Variants in COL5A1 observed in about 807,000 individuals in gnomAD.
The protein encoded by COL5A1 is collagen type V alpha 1 chain.
COL5A1 carries 16 observed loss-of-function variants against 263.7 expected under a neutral mutation model. The observed-to-expected ratio is 0.06, with a 90% CI of 0.04 to 0.09. The LOEUF is 0.09. Among genes scored for constraint, COL5A1 ranks in the 10% least tolerant of loss-of-function variants. The pLI is 1.00. For synonymous variants in COL5A1, 1,012 were observed against 1,004.5 expected, an observed-to-expected ratio of 1.01 and a Z score of -0.14; for missense variants, 2,036 against 2,540.5, an observed-to-expected ratio of 0.80 and a Z score of 4.27.
chr9:134,673,586 G>T (rs1024927121), intron 1 of COL5A1, among the ~76,000 whole-genome samples: 2 of 151,962 alleles, frequency 1.3e-5, no homozygotes, highest in African/African-American at 2.4e-5. Context: ...TGTATTTAAA[G>T]GTAAGATTTA....
At position 134,659,470 on chromosome 9, in the gene COL5A1, T is replaced by C. The variant is rs760352477; in HGVS notation, c.109+17174T>C. Among the ~76,000 whole-genome samples, 143 of 152,188 alleles carry C rather than the reference T, an allele frequency of 9.4e-4. 1 individual carries two copies. Among genetic ancestry groups the C allele is most frequent in the Non-Finnish European group, 7.9e-4 (54 of 68,032 alleles). ...TCCAGCTGCTTGGGAACATGCCTGATATGAGTCCAGGCCTTCCGAGAGTGC... is the reference window on the plus strand; with the variant it reads ...TCCAGCTGCTTGGGAACATGCCTGACATGAGTCCAGGCCTTCCGAGAGTGC... On this transcript the variant is annotated intron_variant, in intron 1 of 65. Transcript: ENST00000371817.
At chr9:134,763,181 C>A (rs962896898) in intron 19 of COL5A1, among the ~76,000 whole-genome samples, 4 of 152,158 alleles carry the variant, frequency 2.6e-5, no homozygotes, top group Non-Finnish European at 5.9e-5. Context: ...TGCAGTGGTG[C>A]TTTGGCGAGG....
At chr9:134,812,754 TGAGGA>T in intron 48 of COL5A1, 42 bp downstream of exon 48, 1 of 1,340,926 alleles carries the variant, frequency 7.5e-7, no homozygotes, top group Non-Finnish European at 1.0e-6. Flanking sequence ...TGCGGTTGTT[TGAGGA>T]GTGTGTGTGT....
At chr9:134,658,818 C>A (rs1832112006) in intron 1 of COL5A1, among the ~76,000 whole-genome samples, 1 of 152,168 alleles carries the variant, frequency 6.6e-6, no homozygotes. Context: ...GCTCTGGGGT[C>A]CTGGCCCTCT....
chr9:134,776,151 C>T (rs1837044037), intron 27 of COL5A1, among the ~76,000 whole-genome samples: 1 of 152,166 alleles, frequency 6.6e-6, no homozygotes, highest in Non-Finnish European at 1.5e-5. Flanking sequence ...GAGAGACCTC[C>T]CAACGGTTGG....
intron 32 of COL5A1, among the ~76,000 whole-genome samples, chr9:134,792,800 T>C (rs1431528501): frequency 1.5e-5 from 2 of 135,178 alleles, no homozygotes; most frequent in Non-Finnish European, 1.6e-5. Context: ...TGTGTGCATG[T>C]GTGCGTGCAT....
At chr9:134,760,058 C>T (rs1416751906) in intron 18 of COL5A1, among the ~76,000 whole-genome samples, 2 of 132,644 alleles carry the variant, frequency 1.5e-5, no homozygotes, top group Non-Finnish European at 3.2e-5. Context: ...ACCCACACAC[C>T]CCCACACTCA....
At chr9:134,815,661 C>T (rs1213408983) in intron 51 of COL5A1, 32 bp downstream of exon 51, 2 of 1,609,020 alleles carry the variant, frequency 1.2e-6, no homozygotes, top group Admixed American at 1.7e-5. Flanking sequence ...GCCACCGGAT[C>T]CCCCACAGTG....
At position 134,782,545 on chromosome 9, in the gene COL5A1, A is replaced by G. The variant is rs34489567; in HGVS notation, c.2431-122A>G. On this transcript the variant is annotated intron_variant, in intron 28 of 65. Coordinates refer to ENST00000371817, the MANE Select transcript of COL5A1 (RefSeq NM_000093.5). ...GCCCCAAGCCCACCCCGTCCGGGCC[A>G]TGTGCTGCCCCCCAAGCGTGGGGGA... The G allele has an allele frequency of 0.13, 122,416 of 922,152 alleles. 9,184 individuals carry two copies. The highest frequency in any genetic ancestry group is 0.26 in the African/African-American group (16,059 of 61,834). The allele number at this position is 922,152 out of a possible 1,614,324, so 57.1% of individuals were successfully genotyped here.
chr9:134,751,877 T>C (rs1237668503), intron 13 of COL5A1, among the ~76,000 whole-genome samples: 1 of 152,098 alleles, frequency 6.6e-6, no homozygotes, highest in Non-Finnish European at 1.5e-5. Context: ...CCCCACTACC[T>C]GCCACTGGGT....
At position 134,752,663 on chromosome 9, in the gene COL5A1, C is replaced by A. The variant is rs1221740561; in HGVS notation, c.1719+18C>A. On this transcript the variant is annotated intron_variant, in intron 14 of 65. Transcript: ENST00000371817. The stretch of plus-strand genomic sequence containing the variant: ...GCCCTGTGGTAAGTCATTGGCAAAT[C>A]TGAGAGCTGGGCGTGGTGTGGGGAT... 1.2e-6 allele frequency: 2 copies of A among 1,603,578 alleles called. No individual in the cohort carries two copies. The highest frequency in any genetic ancestry group is 1.7e-6 in the Non-Finnish European group (2 of 1,170,762).
Position 134,677,780 on chromosome 9 carries a change from C to T in COL5A1, c.110-13132C>T, listed in dbSNP as rs1209070366. Among the ~76,000 whole-genome samples, 1 of 152,186 alleles carries T rather than the reference C, an allele frequency of 6.6e-6. No individual in the cohort carries two copies. On this transcript the variant is annotated intron_variant, in intron 1 of 65. Transcript: ENST00000371817. The surrounding 1 kb of genome is among the most constrained non-coding windows in gnomAD (Gnocchi z 4.4). ...TGTGTGTCTGTCCTTGAGTGAGTGCCCAGCTGCAGTGTGTGGTTGAGACAG... is the reference window on the plus strand; with the variant it reads ...TGTGTGTCTGTCCTTGAGTGAGTGCTCAGCTGCAGTGTGTGGTTGAGACAG...
chr9:134,747,928 T>C (rs1187357131), intron 11 of COL5A1, among the ~76,000 whole-genome samples: 1 of 130,062 alleles, frequency 7.7e-6, no homozygotes, highest in Non-Finnish European at 1.6e-5. Context: ...CATGCATTCA[T>C]ACACACATGC....
chr9:134,761,631 G>A (rs926746739), intron 18 of COL5A1, among the ~76,000 whole-genome samples: 2 of 152,230 alleles, frequency 1.3e-5, no homozygotes, highest in African/African-American at 4.8e-5. Flanking sequence ...TCAGACCTCG[G>A]CTCAGTGTCC....
At position 134,681,970 on chromosome 9, in the gene COL5A1, T is replaced by A. The variant is rs918590534; in HGVS notation, c.110-8942T>A. On this transcript the variant is annotated intron_variant, in intron 1 of 65. Transcript: ENST00000371817. This position sits in a 1 kb window ranked among gnomAD's most constrained non-coding sequence, Gnocchi z 4.3. ...CCCCATCTCTCCCTCCCTCTCTCTC[T>A]CTCTTGCTCTCTGTCTGTCCCCACA... 2.0e-5 allele frequency among the ~76,000 whole-genome samples: 3 copies of A among 152,024 alleles called. No homozygotes were observed. Among genetic ancestry groups the A allele is most frequent in the African/African-American group, 7.3e-5 (3 of 41,362 alleles).
chr9:134,753,434 G>T (rs1835859761), intron 14 of COL5A1, among the ~76,000 whole-genome samples: 1 of 152,140 alleles, frequency 6.6e-6, no homozygotes. Flanking sequence ...TCTGGGCTCG[G>T]TCGCCTCCAC....
At position 134,843,580 on chromosome 9, in the gene COL5A1, C is replaced by A. The variant is rs1213826726; in HGVS notation, c.*1277C>A. 1 of 152,688 alleles carries A rather than the reference C, an allele frequency of 6.5e-6. No individual in the cohort carries two copies. Among genetic ancestry groups the A allele is most frequent in the African/African-American group, 2.4e-5 (1 of 41,458 alleles). 9.5% of individuals were successfully genotyped at this position (152,688 alleles called of 1,614,324 possible). A position where few individuals can be genotyped will look rare whatever the true frequency, so the allele number is the denominator to read the frequency against. ...CCTCCTGCGCTCTCCCGCCCCGGTG[C>A]GTCCACTCCCGAGGGCTGTTATGAG... On this transcript the variant is annotated 3_prime_UTR_variant, in exon 66 of 66. Transcript: ENST00000371817.
chr9:134,741,883 C>T lies in COL5A1; in HGVS notation c.1494+3075C>T, dbSNP rs1012913590. On this transcript the variant is annotated intron_variant, in intron 11 of 65. Transcript: ENST00000371817. The surrounding 1 kb of genome is among the most constrained non-coding windows in gnomAD (Gnocchi z 4.5). ...AGCCCTTCCTCCCTTCCCCAAGGGC[C>T]GTCTGGCCGTGACCGGTTTGTGCCT... 4.6e-5 allele frequency among the ~76,000 whole-genome samples: 7 copies of T among 152,098 alleles called. No individual in the cohort carries two copies. The highest frequency in any genetic ancestry group is 1.7e-4 in the African/African-American group (7 of 41,428).
At chr9:134,752,367 A>C (rs1835812605) in intron 13 of COL5A1, among the ~76,000 whole-genome samples, 1 of 143,282 alleles carries the variant, frequency 7.0e-6, no homozygotes, top group African/African-American at 2.7e-5. Flanking sequence ...ACTGGCTTGC[A>C]CCTCTGCATG....
Sources: gnomAD v4.1 joint callset for allele counts (sites outside exome capture counted in the v4.1 genomes callset) on GRCh38, gnomAD v4.1.1 for gene constraint, Gnocchi (gnomAD v3.1) non-coding constraint, MANE v1.5 for transcripts, NCBI Gene and HGNC (gene_info 2026-07-23, HGNC 2026-07-21) for gene names.